PRDM7: variants seen among roughly 807,000 people sequenced by gnomAD.
The protein encoded by PRDM7 is histone-lysine N-methyltransferase PRDM7.
Under a neutral mutation model 64.3 loss-of-function variants are expected in PRDM7, and 52 were observed. That is an observed-to-expected ratio of 0.81 (90% CI 0.65 to 1.02). The LOEUF is 1.02. Among genes scored for constraint, PRDM7 ranks in the 50% least tolerant of loss-of-function variants. The pLI, the probability that PRDM7 is intolerant of heterozygous loss-of-function variation, is 0.00. For synonymous variants in PRDM7, 192 were observed against 210.1 expected, an observed-to-expected ratio of 0.91 and a Z score of 0.74; for missense variants, 574 against 597.1, an observed-to-expected ratio of 0.96 and a Z score of 0.40.
At chr16:90,073,660 A>T (rs1195243583) in intron 4 of PRDM7, among the ~76,000 whole-genome samples, 1 of 151,948 alleles carries the variant, frequency 6.6e-6, no homozygotes, top group Admixed American at 6.6e-5. Context: ...CGGCCTCCCA[A>T]AGTGCTGGGA....
In PRDM7 at chr16:90,067,246, G is replaced by A. The variant is rs374498606; in HGVS notation, c.302-336C>T. Reference sequence around the variant, plus strand: ...CTCCCAAAGTGCTGAGATTACAGGCGTGAGCCACTATGCTTGGCCTAACTC... The same window carrying A: ...CTCCCAAAGTGCTGAGATTACAGGCATGAGCCACTATGCTTGGCCTAACTC... On this transcript the variant is annotated intron_variant, in intron 4 of 10. Transcript: ENST00000449207. 2.7e-4 allele frequency among the ~76,000 whole-genome samples: 41 copies of A among 151,202 alleles called. 1 individual carries two copies. In the South Asian group the frequency reaches 6.4e-3, roughly 24 times the overall value.
intron 4 of PRDM7, among the ~76,000 whole-genome samples, chr16:90,072,826 C>G (rs1043538767): frequency 6.6e-6 from 1 of 152,190 alleles, no homozygotes; most frequent in African/African-American, 2.4e-5. Context: ...GATAGATTCC[C>G]TCTAAAGAGA....
At chr16:90,068,745 G>T (rs2037915738) in intron 4 of PRDM7, among the ~76,000 whole-genome samples, 1 of 150,234 alleles carries the variant, frequency 6.7e-6, no homozygotes, top group South Asian at 2.1e-4. Flanking sequence ...AGGAAATTAA[G>T]AAAAAAATCC....
At chr16:90,067,373 C>A (rs1309716397) in intron 4 of PRDM7, among the ~76,000 whole-genome samples, 4 of 150,982 alleles carry the variant, frequency 2.6e-5, no homozygotes, top group Admixed American at 2.6e-4. Flanking sequence ...ATCATTAAGG[C>A]CTATGCTTCT....
chr16:90,063,554 C>G, intron 6 of PRDM7, 58 bp downstream of exon 6: 1 of 1,590,454 alleles, frequency 6.3e-7, no homozygotes, highest in Middle Eastern at 2.3e-4. Flanking sequence ...GTAGACCATA[C>G]TCACCAACCT....
intron 4 of PRDM7, among the ~76,000 whole-genome samples, chr16:90,074,283 G>GTCA (rs59691191): frequency 0.093 from 13,718 of 147,844 alleles, 741 homozygotes; most frequent in African/African-American, 0.16. Flanking sequence ...AATCATCATC[G>GTCA]TCATCATCAT....
intron 4 of PRDM7, among the ~76,000 whole-genome samples, chr16:90,072,390 A>C (rs187236299): frequency 6.6e-6 from 1 of 152,224 alleles, no homozygotes; most frequent in Non-Finnish European, 1.5e-5. Flanking sequence ...GTAGAATATT[A>C]TTCAGCCTTA....
At chr16:90,068,782 G>GA (rs1281216089) in intron 4 of PRDM7, among the ~76,000 whole-genome samples, 14 of 150,960 alleles carry the variant, frequency 9.3e-5, no homozygotes, top group African/African-American at 3.5e-4. Flanking sequence ...AAAAAGAATA[G>GA]AATAATTAGG....
chr16:90,061,627 AAC>A, intron 8 of PRDM7, 108 bp from the exon 9 acceptor site: 1 of 1,332,970 alleles, frequency 7.5e-7, no homozygotes, highest in Non-Finnish European at 1.1e-6. Context: ...TTCAACTGCC[AAC>A]TGAGACCACA....
intron 7 of PRDM7, 81 bp from the exon 8 acceptor site, chr16:90,062,273 C>G: frequency 6.2e-7 from 1 of 1,613,932 alleles, no homozygotes; most frequent in Non-Finnish European, 8.5e-7. Flanking sequence ...GCGTGGCACT[C>G]ACATTATTTA....
At chr16:90,066,433 T>C (rs1156395000) in intron 5 of PRDM7, among the ~76,000 whole-genome samples, 2 of 151,254 alleles carry the variant, frequency 1.3e-5, no homozygotes, top group Non-Finnish European at 2.9e-5. Flanking sequence ...TATAAAACTA[T>C]GAAACTTTTA....
chr16:90,059,415 C>G (rs2037733242), intron 10 of PRDM7, among the ~76,000 whole-genome samples: 1 of 152,238 alleles, frequency 6.6e-6, no homozygotes, highest in African/African-American at 2.4e-5. Context: ...GCCATGCTCC[C>G]CACCTTCATC....
At position 90,056,692 on chromosome 16, in the gene PRDM7, A is replaced by T. The variant is rs1208306246; in HGVS notation, c.*1597T>A. On this transcript the variant is annotated 3_prime_UTR_variant, in exon 11 of 11. Coordinates refer to ENST00000449207, the MANE Select transcript of PRDM7 (RefSeq NM_001098173.2). ...ACAACTCTAAGGGGGTCCACGTGAG[A>T]GGGTCGTGATCGATTGAGCAAGCAG... 6.6e-6 allele frequency: 1 copy of T among 152,176 alleles called. No individual in the cohort carries two copies. Among genetic ancestry groups the T allele is most frequent in the South Asian group, 2.1e-4 (1 of 4,826 alleles). The allele number at this position is 152,176 out of a possible 1,614,324, so 9.4% of individuals were successfully genotyped here. A position where few individuals can be genotyped will look rare whatever the true frequency, so the allele number is the denominator to read the frequency against.
In PRDM7 at chr16:90,074,234, T is replaced by G. The variant is rs554385571; in HGVS notation, c.301+682A>C. Among the ~76,000 whole-genome samples, 3 of 151,930 alleles carry G rather than the reference T, an allele frequency of 2.0e-5. No individual in the cohort carries two copies. The East Asian group carries it at 5.9e-4, about 30-fold the overall frequency. On this transcript the variant is annotated intron_variant, in intron 4 of 10. Coordinates refer to ENST00000449207, the MANE Select transcript of PRDM7 (RefSeq NM_001098173.2). ...ATGATTGTGCCACTGCACTCCAGCC[T>G]GGGTGACAGAGTGAGACCTTGTCTG... is the stretch of plus-strand genomic sequence containing the variant.
rs199954933 is a variant in PRDM7, at chr16:90,075,023, C to T, written c.194G>A (p.Gly65Asp). The stretch of plus-strand genomic sequence containing the variant: ...GAAAGCTGGTCGAGTGGCTCTGAGA[C>T]CTGAAAAGAAGCAAAAAATTTTGCT... ...KMNYNALITV[G>D]LRATRPAFMC... The change falls in exon 4 of 11, where the codon GGT (glycine) becomes GAT (aspartate). Residue 65 changes from glycine (G) to aspartate (D), a missense_variant and splice_region_variant. Transcript: ENST00000449207. This position sits in a 1 kb window ranked among gnomAD's most constrained non-coding sequence, Gnocchi z 4.3. 1 of 1,614,054 alleles carries T rather than the reference C, an allele frequency of 6.2e-7. No homozygotes were observed. The highest frequency in any genetic ancestry group is 1.3e-5 in the African/African-American group (1 of 75,008).
At chr16:90,061,562 A>T in intron 8 of PRDM7, 43 bp from the exon 9 acceptor site, 2 of 1,542,992 alleles carry the variant, frequency 1.3e-6, no homozygotes, top group South Asian at 1.1e-5. Context: ...AGAGGGTAAA[A>T]ATCCGAAGAA....
intron 4 of PRDM7, among the ~76,000 whole-genome samples, chr16:90,068,615 A>G (rs2151310739): frequency 6.7e-6 from 1 of 149,902 alleles, no homozygotes; most frequent in East Asian, 1.9e-4. Flanking sequence ...AGCCTGGATG[A>G]CAGAGCGAGA....
intron 5 of PRDM7, among the ~76,000 whole-genome samples, chr16:90,064,541 G>A (rs2037839559): frequency 1.3e-5 from 2 of 151,858 alleles, no homozygotes; most frequent in South Asian, 2.1e-4. Flanking sequence ...AGCCTCCCGA[G>A]AAGCTAGGAT....
chr16:90,057,732 G>GT lies in PRDM7; in HGVS notation c.*556dup. On this transcript the variant is annotated 3_prime_UTR_variant, in exon 11 of 11. Transcript: ENST00000449207. Reference sequence around the variant, plus strand: ...TTTACACTCTCGGGGAATGTAAGGGGTTAGCAGACTTTCGCTGAAGCCACC... The same window carrying GT: ...TTTACACTCTCGGGGAATGTAAGGGGTTTAGCAGACTTTCGCTGAAGCCACC... The GT allele has an allele frequency of 1.6e-6, 2 of 1,260,916 alleles. No individual in the cohort carries two copies. The highest frequency in any genetic ancestry group is 2.8e-5 in the South Asian group (2 of 71,120). 78.1% of individuals were successfully genotyped at this position (1,260,916 alleles called of 1,614,324 possible).
Sources: allele counts gnomAD v4.1 joint callset (sites outside exome capture counted in the v4.1 genomes callset), GRCh38; gene constraint gnomAD v4.1.1; non-coding constraint Gnocchi (gnomAD v3.1); transcripts MANE v1.5; gene names NCBI Gene and HGNC (gene_info 2026-07-23, HGNC 2026-07-21).